FAR2: variants seen among roughly 807,000 people sequenced by gnomAD.
The protein encoded by FAR2 is fatty acyl-CoA reductase 2, also known as epididymis secretory protein Li 81.
Under a neutral mutation model 56.0 loss-of-function variants are expected in FAR2, and 19 were observed. The ratio of observed to expected loss-of-function variants is 0.34; its 90% confidence interval spans 0.24 to 0.50. FAR2 has a LOEUF of 0.50. Among genes scored for constraint, FAR2 ranks in the 20% least tolerant of loss-of-function variants. FAR2 has a pLI of 0.98. For missense variants in FAR2, 508 were observed against 642.2 expected, an observed-to-expected ratio of 0.79 and a Z score of 2.26; for synonymous variants, 219 against 218.8, an observed-to-expected ratio of 1.00 and a Z score of -0.01.
chr12:29,218,666 TG>T (rs1469741787), intron 1 of FAR2, among the ~76,000 whole-genome samples: 2 of 152,144 alleles, frequency 1.3e-5, no homozygotes, highest in East Asian at 3.9e-4. Context: ...TCTTAGGTTA[TG>T]CCAGTCAGGA....
intron 1 of FAR2, among the ~76,000 whole-genome samples, chr12:29,182,380 A>C (rs147374018): frequency 6.6e-6 from 1 of 152,078 alleles, no homozygotes; most frequent in South Asian, 2.1e-4. Flanking sequence ...TGCATTTACA[A>C]TCCTTTAGCT....
intron 10 of FAR2, 28 bp downstream of exon 10, chr12:29,321,952 G>A: frequency 6.3e-7 from 1 of 1,586,992 alleles, no homozygotes; most frequent in Non-Finnish European, 8.6e-7. Context: ...TTAAGCACCA[G>A]GAAAATGCTA....
chr12:29,239,565 C>T (rs1437910140), intron 1 of FAR2, among the ~76,000 whole-genome samples: 1 of 151,692 alleles, frequency 6.6e-6, no homozygotes, highest in Admixed American at 6.6e-5. Flanking sequence ...TAACAGCTCC[C>T]AAAAGACTAC....
intron 2 of FAR2, among the ~76,000 whole-genome samples, chr12:29,284,949 C>T (rs1948848405): frequency 6.6e-6 from 1 of 152,104 alleles, no homozygotes; most frequent in African/African-American, 2.4e-5. Flanking sequence ...TCACGCCATT[C>T]TCCTGCCTTA....
chr12:29,333,580 G>C, intron 11 of FAR2, 52 bp from the exon 12 acceptor site: 1 of 1,485,374 alleles, frequency 6.7e-7, no homozygotes, highest in Non-Finnish European at 9.3e-7. Flanking sequence ...TTCAGATAAT[G>C]TGGTTGGGTA....
At chr12:29,286,064 G>GAC (rs55752247) in intron 2 of FAR2, among the ~76,000 whole-genome samples, 2,275 of 150,866 alleles carry the variant, frequency 0.015, 53 homozygotes, top group African/African-American at 0.047. Flanking sequence ...CACACACACA[G>GAC]ACACACACAC....
chr12:29,324,935 A>G (rs1011386584), intron 10 of FAR2, among the ~76,000 whole-genome samples: 4 of 152,254 alleles, frequency 2.6e-5, no homozygotes, highest in African/African-American at 9.6e-5. Context: ...AAATGCTCCA[A>G]TTAAAAGGCA....
intron 1 of FAR2, among the ~76,000 whole-genome samples, chr12:29,182,103 G>A (rs1404931903): frequency 6.6e-6 from 1 of 152,210 alleles, no homozygotes; most frequent in Non-Finnish European, 1.5e-5. Context: ...GTGCAGAGTT[G>A]GTTCCTTCTG....
chr12:29,154,765 C>G lies in FAR2; in HGVS notation c.-39+5358C>G, dbSNP rs1949712897. Among the ~76,000 whole-genome samples, 5 of 119,392 alleles carry G rather than the reference C, an allele frequency of 4.2e-5. No individual in the cohort carries two copies. The South Asian group carries it at 1.6e-3, about 39-fold the overall frequency. The allele number at this position is 119,392 out of a possible 152,430, so 78.3% of individuals were successfully genotyped here. ...TTATTGCAGGAATCCTCAGAGCATG[C>G]ATGTCCTAATGCATGTTAATAATCA... On this transcript the variant is annotated intron_variant, in intron 1 of 11. Transcript: ENST00000536681.
chr12:29,303,563 G>A (rs977239780), intron 4 of FAR2, among the ~76,000 whole-genome samples: 10 of 152,308 alleles, frequency 6.6e-5, no homozygotes, highest in African/African-American at 1.7e-4. Flanking sequence ...GGGTGCAGGT[G>A]TGAGAGGCAG....
At chr12:29,206,725 A>G (rs569967053) in intron 1 of FAR2, among the ~76,000 whole-genome samples, 1 of 152,348 alleles carries the variant, frequency 6.6e-6, no homozygotes, top group East Asian at 1.9e-4. Context: ...ATGAAATGAC[A>G]TAAGGCAGTT....
rs929472143 is a variant in FAR2 at position 29,335,027 on chromosome 12, T to A, written c.*1233T>A. 4 of 152,206 alleles carry A rather than the reference T, an allele frequency of 2.6e-5. No individual in the cohort carries two copies. Among genetic ancestry groups the A allele is most frequent in the African/African-American group, 7.2e-5 (3 of 41,468 alleles). The allele number at this position is 152,206 out of a possible 1,614,324, so 9.4% of individuals were successfully genotyped here. ...GTACATGTTGGATTGCAGCATTTCTTCATGTTAAAAACATGGAATATTATT... is the reference window on the plus strand; with the variant it reads ...GTACATGTTGGATTGCAGCATTTCTACATGTTAAAAACATGGAATATTATT... On this transcript the variant is annotated 3_prime_UTR_variant, in exon 12 of 12. Coordinates refer to ENST00000536681, the MANE Select transcript of FAR2 (RefSeq NM_001271783.2).
chr12:29,163,856 C>T (rs1255252487), intron 1 of FAR2, among the ~76,000 whole-genome samples: 1 of 152,188 alleles, frequency 6.6e-6, no homozygotes, highest in Non-Finnish European at 1.5e-5. Flanking sequence ...GCCACAGAAA[C>T]AGGAGCCCTA....
chr12:29,221,702 T>C (rs1423603231), intron 1 of FAR2, among the ~76,000 whole-genome samples: 1 of 152,206 alleles, frequency 6.6e-6, no homozygotes. Flanking sequence ...TGATGCTATA[T>C]ACGTAAGAAT....
chr12:29,270,551 C>A lies in FAR2; in HGVS notation c.102C>A (p.Ser34Arg), dbSNP rs947422082. The change falls in exon 2 of 12, where the codon AGC becomes AGA. Residue 34 changes from serine to arginine, a missense_variant. Coordinates refer to ENST00000536681, the MANE Select transcript of FAR2 (RefSeq NM_001271783.2). The stretch of plus-strand genomic sequence containing the variant: ...TGATGGAGAAGCTGTTTCGCACCAG[C>A]CCAGACCTGAAAGTCATTTACATCC... ...KVLMEKLFRT[S>R]PDLKVIYILV... 2 of 1,613,922 alleles carry A rather than the reference C, an allele frequency of 1.2e-6. No individual in the cohort carries two copies. Among genetic ancestry groups the A allele is most frequent in the African/African-American group, 2.7e-5 (2 of 74,926 alleles).
chr12:29,300,116 T>C (rs1323142099), intron 4 of FAR2, among the ~76,000 whole-genome samples: 6 of 152,250 alleles, frequency 3.9e-5, no homozygotes, highest in African/African-American at 1.4e-4. Context: ...TTATTGTTCA[T>C]ACTGTTTTGA....
chr12:29,290,491 A>T (rs770951738), intron 2 of FAR2, among the ~76,000 whole-genome samples: 2 of 152,066 alleles, frequency 1.3e-5, no homozygotes, highest in Non-Finnish European at 2.9e-5. Flanking sequence ...CAGCAGTCCC[A>T]CTGCAAGGTA....
intron 1 of FAR2, among the ~76,000 whole-genome samples, chr12:29,240,155 G>A (rs1948004277): frequency 6.6e-6 from 1 of 152,182 alleles, no homozygotes; most frequent in South Asian, 2.1e-4. Flanking sequence ...ACTTACCACT[G>A]TTTATACAAA....
intron 1 of FAR2, among the ~76,000 whole-genome samples, chr12:29,224,257 G>C (rs746464368): frequency 6.6e-6 from 1 of 152,184 alleles, no homozygotes; most frequent in African/African-American, 2.4e-5. Context: ...GGTTGAGGGG[G>C]TTGGAAGGAT....
Sources: gnomAD v4.1 joint callset for allele counts (sites outside exome capture counted in the v4.1 genomes callset) on GRCh38, gnomAD v4.1.1 for gene constraint, MANE v1.5 for transcripts, NCBI Gene and HGNC (gene_info 2026-07-23, HGNC 2026-07-21) for gene names.